The following SAXO1 variants were observed in gnomAD, a reference collection of about 807,000 sequenced individuals.
SAXO1 encodes the protein 4930500O09Rik.
Under a neutral mutation model 17.5 loss-of-function variants are expected in SAXO1, and 21 were observed. That is an observed-to-expected ratio of 1.20 (90% CI 0.85 to 1.72). The LOEUF (loss-of-function observed/expected upper bound fraction) is 1.72, where lower values mean the gene tolerates loss of function less well. Ranked by LOEUF, SAXO1 falls within the 40% of genes most tolerant of loss-of-function variation. The pLI is 0.00. For synonymous variants in SAXO1, 274 were observed against 216.5 expected (o/e 1.27, Z -2.33); for missense variants, 843 against 596.0 (o/e 1.41, Z -4.32).
At chr9:18,979,542 G>C (rs1290522812) in intron 1 of SAXO1, among the ~76,000 whole-genome samples, 2 of 152,190 alleles carry the variant, frequency 1.3e-5, no homozygotes, top group Non-Finnish European at 2.9e-5. Context: ...CTTTGGCCTG[G>C]GGATATGCAT....
At chr9:18,938,141 T>G (rs2131689085) in intron 3 of SAXO1, among the ~76,000 whole-genome samples, 1 of 152,236 alleles carries the variant, frequency 6.6e-6, no homozygotes, top group African/African-American at 2.4e-5. Context: ...TTAACTCTGT[T>G]TAAGTAGGCA....
chr9:18,989,209 C>A (rs7870547), intron 1 of SAXO1, among the ~76,000 whole-genome samples: 84,134 of 151,884 alleles, frequency 0.55, 23,865 homozygotes, highest in Non-Finnish European at 0.63. Context: ...AAAACAAATA[C>A]AATGATGCCA....
chr9:19,024,451 G>T (rs1835387504), intron 1 of SAXO1, among the ~76,000 whole-genome samples: 1 of 151,562 alleles, frequency 6.6e-6, no homozygotes, highest in African/African-American at 2.4e-5. Flanking sequence ...GTGGGGTGGG[G>T]CGAGGGGGGG....
chr9:18,941,668 G>A lies in SAXO1; in HGVS notation c.390C>T (p.Ser130=), dbSNP rs34769002. Reference sequence around the variant, plus strand: ...AAGTAGGCAAACACTCCATCTTGTCGCTACATGGATATTTACTGTCCCGAG... The same window carrying A: ...AAGTAGGCAAACACTCCATCTTGTCACTACATGGATATTTACTGTCCCGAG... ...IKPRDSKYPC[S]DKMECLPTYK... Residue 130 remains serine, a synonymous_variant, in exon 3 of 4, where the codon AGC becomes AGT. Transcript: ENST00000380534. 5,134 of 1,614,108 alleles carry A rather than the reference G, an allele frequency of 3.2e-3. 139 individuals carry two copies. In the African/African-American group the frequency reaches 0.059, roughly 19 times the overall value.
intron 2 of SAXO1, 136 bp from the exon 3 acceptor site, chr9:18,941,975 G>C (rs1345662451): frequency 2.7e-6 from 2 of 754,100 alleles, no homozygotes; most frequent in East Asian, 2.6e-5. Flanking sequence ...CCCCCGAACT[G>C]TTTCTCCTCT....
At chr9:19,008,239 A>C (rs1289241039) in intron 1 of SAXO1, among the ~76,000 whole-genome samples, 1 of 152,114 alleles carries the variant, frequency 6.6e-6, no homozygotes, top group Non-Finnish European at 1.5e-5. Flanking sequence ...TGGCCTCTCA[A>C]AGTGCTGGGA....
At chr9:19,018,320 A>C (rs1343796899) in intron 1 of SAXO1, among the ~76,000 whole-genome samples, 4 of 152,220 alleles carry the variant, frequency 2.6e-5, no homozygotes, top group Non-Finnish European at 5.9e-5. Flanking sequence ...TAGATAGAGC[A>C]GTGGAAGAGA....
intron 1 of SAXO1, among the ~76,000 whole-genome samples, chr9:19,001,978 A>G (rs1418101594): frequency 3.3e-5 from 5 of 152,160 alleles, no homozygotes; most frequent in African/African-American, 1.2e-4. Context: ...GGAAAGATCA[A>G]CAAAACAGAT....
At chr9:18,958,860 T>C (rs1304937544) in intron 1 of SAXO1, among the ~76,000 whole-genome samples, 1 of 88,528 alleles carries the variant, frequency 1.1e-5, no homozygotes. Context: ...ATGAAGTTGC[T>C]CGAAGAGAAG....
Position 19,033,069 on chromosome 9 carries a change from G to C in SAXO1, c.-161C>G, listed in dbSNP as rs1340148624. The C allele has an allele frequency of 1.5e-6, 1 of 660,226 alleles. No homozygotes were observed. Among genetic ancestry groups the C allele is most frequent in the African/African-American group, 1.9e-5 (1 of 53,678 alleles). 40.9% of individuals were successfully genotyped at this position (660,226 alleles called of 1,614,324 possible). A position where few individuals can be genotyped will look rare whatever the true frequency, so the allele number is the denominator to read the frequency against. On this transcript the variant is annotated 5_prime_UTR_variant, in exon 1 of 4. Transcript: ENST00000380534. ...TTAAGTGGCCCTTTTGCAATGTCCTGTCGTCTGTTGCCCTCCTGGAGCTGG... is the reference window on the plus strand; with the variant it reads ...TTAAGTGGCCCTTTTGCAATGTCCTCTCGTCTGTTGCCCTCCTGGAGCTGG...
intron 2 of SAXO1, among the ~76,000 whole-genome samples, chr9:18,942,387 C>T (rs151072224): frequency 7.9e-4 from 121 of 152,272 alleles, no homozygotes; most frequent in African/African-American, 2.8e-3. Context: ...TGCACTCCAA[C>T]CACAATGCCA....
chr9:19,001,566 C>G (rs941960404), intron 1 of SAXO1, among the ~76,000 whole-genome samples: 10 of 151,488 alleles, frequency 6.6e-5, no homozygotes, highest in Admixed American at 1.3e-4. Flanking sequence ...ACTCGGGAGG[C>G]TGAGGCAGGA....
chr9:18,996,736 C>T lies in SAXO1; in HGVS notation c.38+36135G>A, dbSNP rs574779280. ...TGAAAAACTCACAGTGAACATCATACTTAATGATGAAAAACTGAAAACTTT... is the reference window on the plus strand; with the variant it reads ...TGAAAAACTCACAGTGAACATCATATTTAATGATGAAAAACTGAAAACTTT... On this transcript the variant is annotated intron_variant, in intron 1 of 3. Transcript: ENST00000380534. 3.5e-4 allele frequency among the ~76,000 whole-genome samples: 53 copies of T among 152,246 alleles called. 1 individual carries two copies. The South Asian group carries it at 0.011, about 31-fold the overall frequency.
In SAXO1 at chr9:18,937,580, G is replaced by A. The variant is rs371586953; in HGVS notation, c.421+4057C>T. The stretch of plus-strand genomic sequence containing the variant: ...TGTGCTGAAACTTAATCCCCAATAC[G>A]GTGGTATTGGGAGGTGAGGCCTTTT... On this transcript the variant is annotated intron_variant, in intron 3 of 3. Transcript: ENST00000380534. Among the ~76,000 whole-genome samples the A allele has an allele frequency of 5.0e-4, 76 of 152,254 alleles. No homozygotes were observed. In the South Asian group the frequency reaches 8.9e-3, roughly 18 times the overall value.
In SAXO1 at chr9:19,028,407, A is replaced by T. The variant is rs184559631; in HGVS notation, c.38+4464T>A. ...AATAAAAAATAAAACTCTTCGGAGTAGCATTTTTTCAATAACAGGAAATGC... is the reference window on the plus strand; with the variant it reads ...AATAAAAAATAAAACTCTTCGGAGTTGCATTTTTTCAATAACAGGAAATGC... On this transcript the variant is annotated intron_variant, in intron 1 of 3. Coordinates refer to ENST00000380534, the MANE Select transcript of SAXO1 (RefSeq NM_153707.4). Among the ~76,000 whole-genome samples, 442 of 152,332 alleles carry T rather than the reference A, an allele frequency of 2.9e-3. 2 individuals carry two copies. The highest frequency in any genetic ancestry group is 9.7e-3 in the African/African-American group (405 of 41,576).
At chr9:19,000,506 G>C (rs1834218285) in intron 1 of SAXO1, among the ~76,000 whole-genome samples, 1 of 152,022 alleles carries the variant, frequency 6.6e-6, no homozygotes, top group South Asian at 2.1e-4. Flanking sequence ...TGTCTGGGAA[G>C]TGAGGGGTGC....
upstream of SAXO1, among the ~76,000 whole-genome samples, chr9:19,034,147 G>T (rs924074257): frequency 1.3e-5 from 2 of 152,206 alleles, no homozygotes; most frequent in Non-Finnish European, 2.9e-5. Context: ...GGAGCTTAAA[G>T]TATTGACAAT....
intron 1 of SAXO1, among the ~76,000 whole-genome samples, chr9:19,020,850 T>A (rs938226555): frequency 1.2e-4 from 19 of 152,286 alleles, no homozygotes; most frequent in African/African-American, 4.6e-4. Context: ...CTAACAATGG[T>A]GACATTGTTT....
intron 1 of SAXO1, among the ~76,000 whole-genome samples, chr9:19,010,954 C>G (rs1834706971): frequency 6.6e-6 from 1 of 152,066 alleles, no homozygotes; most frequent in African/African-American, 2.4e-5. Context: ...CTTCAATATC[C>G]CCATTTTACA....
Sources: gnomAD v4.1 joint callset for allele counts (sites outside exome capture counted in the v4.1 genomes callset) on GRCh38, gnomAD v4.1.1 for gene constraint, MANE v1.5 for transcripts, NCBI Gene and HGNC (gene_info 2026-07-23, HGNC 2026-07-21) for gene names.